The following DMD variants were observed in gnomAD, a reference collection of about 807,000 sequenced individuals.
DMD encodes dystrophin, also known as mutant dystrophin.
A neutral mutation model predicts 330.1 loss-of-function variants in DMD; 63 were observed. That is an observed-to-expected ratio of 0.19 (90% CI 0.16 to 0.24). The LOEUF (loss-of-function observed/expected upper bound fraction) is 0.24, where lower values mean the gene tolerates loss of function less well. Ranked by LOEUF, DMD falls within the 10% of genes least tolerant of loss-of-function variation. The pLI is 1.00. For missense variants in DMD, 3,344 were observed against 2,684.1 expected (o/e 1.25, Z -5.43); for synonymous variants, 1,223 against 959.8 (o/e 1.27, Z -5.07).
At chrX:31,174,218 G>A (rs2040288738) in intron 71 of DMD, among the ~76,000 whole-genome samples, 1 of 111,473 alleles carries the variant, frequency 9.0e-6, no homozygotes, top group Non-Finnish European at 1.9e-5. Context: ...ATTATATTGT[G>A]AGGTTTTAAA....
intron 62 of DMD, among the ~76,000 whole-genome samples, chrX:31,320,076 G>C (rs2056307963): frequency 8.9e-6 from 1 of 112,216 alleles, no homozygotes; most frequent in African/African-American, 3.2e-5. Context: ...ACCTGAAAGA[G>C]ATGCTGGCAG....
rs1451928473 is a variant in DMD at position 32,486,248 on chromosome X, T to A, written c.2623-1149A>T. ...ATTTAGATGCATGAAATTACCAAAA[T>A]ATGTTTAATTCTGAAGATTAAGAAA... is the stretch of plus-strand genomic sequence containing the variant. On this transcript the variant is annotated intron_variant, in intron 20 of 78. Transcript: ENST00000357033. 2.7e-5 allele frequency among the ~76,000 whole-genome samples: 3 copies of A among 111,542 alleles called. No individual in the cohort carries two copies. In the East Asian group the frequency reaches 8.4e-4, roughly 31 times the overall value.
chrX:31,874,442 T>G lies in DMD; in HGVS notation c.7098+746A>C, dbSNP rs181125477. Among the ~76,000 whole-genome samples, 898 of 111,209 alleles carry G rather than the reference T, an allele frequency of 8.1e-3. 16 individuals are homozygous for G. Among genetic ancestry groups the G allele is most frequent in the African/African-American group, 0.027 (842 of 30,620 alleles). ...CCTAATCTCATAAACAACTTCAATT[T>G]TGGATAAGGAATCTATGAATATGTA... On this transcript the variant is annotated intron_variant, in intron 48 of 78. Transcript: ENST00000357033.
At chrX:32,296,711 T>A (rs1244942956) in intron 42 of DMD, among the ~76,000 whole-genome samples, 1 of 111,296 alleles carries the variant, frequency 9.0e-6, no homozygotes, top group African/African-American at 3.3e-5. Context: ...GTTCTCTCAG[T>A]CAAAAATTTC....
intron 55 of DMD, among the ~76,000 whole-genome samples, chrX:31,579,719 ATG>A (rs1387144882): frequency 8.9e-6 from 1 of 112,590 alleles, no homozygotes; most frequent in Non-Finnish European, 1.9e-5. Context: ...ATAATAGTAT[ATG>A]TGTTATTCAA....
intron 7 of DMD, among the ~76,000 whole-genome samples, chrX:32,721,493 C>T (rs1297770106): frequency 1.8e-5 from 2 of 109,108 alleles, no homozygotes; most frequent in African/African-American, 6.7e-5. Context: ...TGGCCGTTTG[C>T]ACATCTTCTT....
intron 51 of DMD, among the ~76,000 whole-genome samples, chrX:31,758,026 A>G (rs932739742): frequency 1.1e-4 from 12 of 110,235 alleles, no homozygotes; most frequent in African/African-American, 4.0e-4. Flanking sequence ...CTCTGCCCCT[A>G]CACGTTGACC....
intron 9 of DMD, among the ~76,000 whole-genome samples, chrX:32,659,883 A>T (rs1164026341): frequency 9.0e-6 from 1 of 110,685 alleles, no homozygotes; most frequent in Non-Finnish European, 1.9e-5. Flanking sequence ...ATTCAAGGAA[A>T]GGTCTTCAGA....
intron 60 of DMD, among the ~76,000 whole-genome samples, chrX:31,388,225 G>A (rs1021533890): frequency 2.8e-5 from 3 of 108,766 alleles, no homozygotes; most frequent in African/African-American, 6.7e-5. Context: ...GGACGGTCTC[G>A]ATCTCCTGAC....
chrX:31,326,956 C>T (rs780290062), intron 61 of DMD, among the ~76,000 whole-genome samples: 4 of 112,252 alleles, frequency 3.6e-5, no homozygotes, highest in South Asian at 7.4e-4. Context: ...AGCTAGCCTA[C>T]GTAATAGACA....
chrX:33,006,510 T>C (rs1380051663), intron 2 of DMD, among the ~76,000 whole-genome samples: 1 of 111,574 alleles, frequency 9.0e-6, no homozygotes, highest in Non-Finnish European at 1.9e-5. Context: ...TTTCAACAAA[T>C]AATGCTGAAA....
intron 9 of DMD, among the ~76,000 whole-genome samples, chrX:32,670,729 A>C (rs2061581243): frequency 8.9e-6 from 1 of 112,502 alleles, no homozygotes; most frequent in Non-Finnish European, 1.9e-5. Flanking sequence ...TTATTTGTAA[A>C]CAAAGACCTT....
intron 16 of DMD, among the ~76,000 whole-genome samples, chrX:32,563,846 TATC>T (rs928732119): frequency 8.9e-6 from 1 of 112,054 alleles, no homozygotes; most frequent in African/African-American, 3.2e-5. Context: ...TTCACACACA[TATC>T]ACTGTCTATT....
intron 15 of DMD, among the ~76,000 whole-genome samples, chrX:32,571,753 G>A (rs777069180): frequency 2.3e-4 from 26 of 111,353 alleles, no homozygotes; most frequent in Non-Finnish European, 3.8e-4. Context: ...CTATTCTCCT[G>A]TTAGGGCTAA....
intron 44 of DMD, among the ~76,000 whole-genome samples, chrX:32,083,972 G>C (rs764834017): frequency 1.1e-3 from 123 of 112,203 alleles, no homozygotes; most frequent in African/African-American, 3.7e-3. Context: ...ATTCTCTCCA[G>C]CATTTTTCTT....
At chrX:33,009,429 T>C (rs1240806454) in intron 2 of DMD, among the ~76,000 whole-genome samples, 1 of 32,243 alleles carries the variant, frequency 3.1e-5, no homozygotes, top group Non-Finnish European at 6.3e-5. Flanking sequence ...TGTGTATATG[T>C]ATGTGTATAC....
chrX:32,942,112 A>AGTGTGTGCGTGTGTGTGTGTGTGTGT (rs60820174), intron 2 of DMD, among the ~76,000 whole-genome samples: 2 of 110,122 alleles, frequency 1.8e-5, no homozygotes, highest in South Asian at 3.9e-4. Context: ...TTGAGAAGGG[A>AGTGTGTGCGTGTGTGTGTGTGTGTGT]GTGTGTGCGT....
intron 63 of DMD, among the ~76,000 whole-genome samples, chrX:31,230,334 C>T (rs1450067827): frequency 8.9e-6 from 1 of 111,833 alleles, no homozygotes; most frequent in Non-Finnish European, 1.9e-5. Flanking sequence ...TCACCAATGA[C>T]TTTGTAAAAC....
intron 62 of DMD, among the ~76,000 whole-genome samples, chrX:31,289,277 A>AAG (rs2053494578): frequency 1.3e-5 from 1 of 77,380 alleles, no homozygotes; most frequent in African/African-American, 6.3e-5. Flanking sequence ...AAAAAATAAA[A>AAG]TAAAATCCAT....
Sources: gnomAD v4.1 joint callset for allele counts (sites outside exome capture counted in the v4.1 genomes callset) on GRCh38, gnomAD v4.1.1 for gene constraint, MANE v1.5 for transcripts, NCBI Gene and HGNC (gene_info 2026-07-23, HGNC 2026-07-21) for gene names.